UBR4: variants seen among roughly 807,000 people sequenced by gnomAD.
UBR4 encodes the protein E3 ubiquitin-protein ligase UBR4.
A neutral mutation model predicts 575.6 loss-of-function variants in UBR4; 124 were observed. The ratio of observed to expected loss-of-function variants is 0.22; its 90% CI spans 0.19 to 0.25. The LOEUF is 0.25. UBR4 is among the 10% of genes least tolerant of loss of function. The pLI is 1.00. For missense variants in UBR4, 4,818 were observed against 6,478.8 expected, an observed-to-expected ratio of 0.74 and a Z score of 8.80; for synonymous variants, 2,455 against 2,473.7, an observed-to-expected ratio of 0.99 and a Z score of 0.22.
intron 99 of UBR4, among the ~76,000 whole-genome samples, 165 bp from the exon 100 acceptor site, chr1:19,086,986 T>C (rs993051025): frequency 5.9e-5 from 9 of 152,214 alleles, no homozygotes. Flanking sequence ...CCTCAGTCTG[T>C]TGGTGAAGCA....
At position 19,110,020 on chromosome 1, in the gene UBR4, G is replaced by C. The variant is rs1231423050; in HGVS notation, c.12105+76C>G. The C allele has an allele frequency of 1.9e-6, 3 of 1,599,080 alleles. No homozygotes were observed. The highest frequency in any genetic ancestry group is 1.3e-5 in the African/African-American group (1 of 74,652). ...CAAGGCAAAGCGGAGACCATGAGGA[G>C]GCAGGGCACACTGCCAGGGAATGAG... On this transcript the variant is annotated intron_variant, in intron 81 of 105. Transcript: ENST00000375254. This position sits in a 1 kb window ranked among gnomAD's most constrained non-coding sequence, Gnocchi z 4.5.
chr1:19,129,436 T>C (rs966499546), intron 60 of UBR4, among the ~76,000 whole-genome samples: 1 of 152,228 alleles, frequency 6.6e-6, no homozygotes, highest in Non-Finnish European at 1.5e-5. Flanking sequence ...TTTTCTAATA[T>C]GTGGCCCTAT....
At chr1:19,134,292 G>C (rs2082933613) in intron 60 of UBR4, among the ~76,000 whole-genome samples, 1 of 151,590 alleles carries the variant, frequency 6.6e-6, no homozygotes, top group Non-Finnish European at 1.5e-5. Context: ...AAAAATAGCT[G>C]GGCATGGTGG....
chr1:19,124,720 G>A (rs1242194726), intron 64 of UBR4, 30 bp from the exon 65 acceptor site: 2 of 1,599,826 alleles, frequency 1.3e-6, no homozygotes, highest in Admixed American at 1.7e-5. Context: ...ATGAGAACCT[G>A]TGACTATCGA....
At chr1:19,086,393 C>T in intron 100 of UBR4, 123 bp from the exon 101 acceptor site, 2 of 1,322,762 alleles carry the variant, frequency 1.5e-6, no homozygotes, top group Non-Finnish European at 1.0e-6. Context: ...TCGGCCCAGG[C>T]TCCTGACCCT....
At chr1:19,192,448 G>A in intron 10 of UBR4, 33 bp downstream of exon 10, 1 of 1,614,130 alleles carries the variant, frequency 6.2e-7, no homozygotes, top group Non-Finnish European at 8.5e-7. Context: ...GACAAGATAG[G>A]AAGTATGCAG....
rs778448859 is a variant in UBR4, at chr1:19,153,454, G to A, written c.6679C>T (p.Arg2227Trp). The A allele has an allele frequency of 4.3e-6, 7 of 1,614,028 alleles. No individual in the cohort carries two copies. In the South Asian group the frequency reaches 4.4e-5, roughly 10 times the overall value. ...TCACACAGCAGAATCATTGTTGTCC[G>A]CTGCTGCTCATTGCAGGCCGTGTGC... ...IRHTACNEQQ[R>W]TTMILLCEDG... The change falls in exon 46 of 106, where the codon CGG becomes TGG. Residue 2227 changes from arginine to tryptophan, a missense_variant. Physicochemically the swap from Arg to Trp is moderately radical, Grantham distance 101 (BLOSUM62 -3). Coordinates refer to ENST00000375254, the MANE Select transcript of UBR4 (RefSeq NM_020765.3). The surrounding 1 kb of genome is among the most constrained non-coding windows in gnomAD (Gnocchi z 4.1).
At chr1:19,186,945 T>C (rs1172092262) in intron 13 of UBR4, among the ~76,000 whole-genome samples, 2 of 151,884 alleles carry the variant, frequency 1.3e-5, no homozygotes, top group Non-Finnish European at 1.5e-5. Context: ...AAACTGATAA[T>C]TAATAACTGA....
rs575464743 is a variant in UBR4, at chr1:19,177,464, C to T, written c.2634G>A (p.Glu878=). Residue 878 remains glutamate, a synonymous_variant, in exon 19 of 106, where the codon GAG becomes GAA. Coordinates refer to ENST00000375254, the MANE Select transcript of UBR4 (RefSeq NM_020765.3). ...QYSKAPVYLF[E]QVQHNLLSPP... Reference sequence around the variant, plus strand: ...AAAAGAACGTGTTGGTCTGTACCTGCTCAAATAGATACACAGGGGCTTTGG... The same window carrying T: ...AAAAGAACGTGTTGGTCTGTACCTGTTCAAATAGATACACAGGGGCTTTGG... 38 of 1,613,718 alleles carry T rather than the reference C, an allele frequency of 2.4e-5. No homozygotes were observed. Among genetic ancestry groups the T allele is most frequent in the Non-Finnish European group, 3.1e-5 (36 of 1,179,802 alleles).
intron 17 of UBR4, among the ~76,000 whole-genome samples, chr1:19,183,429 T>A (rs1031803454): frequency 6.6e-6 from 1 of 152,160 alleles, no homozygotes; most frequent in South Asian, 2.1e-4. Flanking sequence ...TCCTTAACAA[T>A]TGGAGCTACA....
At chr1:19,183,502 A>T (rs2091220910) in intron 17 of UBR4, among the ~76,000 whole-genome samples, 1 of 152,174 alleles carries the variant, frequency 6.6e-6, no homozygotes, top group African/African-American at 2.4e-5. Flanking sequence ...CGGGCGGATC[A>T]CCTGAGGTCA....
chr1:19,200,436 G>A (rs1183228801), intron 2 of UBR4, among the ~76,000 whole-genome samples: 2 of 151,880 alleles, frequency 1.3e-5, no homozygotes, highest in Non-Finnish European at 2.9e-5. Context: ...CTAAAATGAC[G>A]TCCTGGTCAG....
At chr1:19,104,763 G>T in intron 85 of UBR4, 97 bp from the exon 86 acceptor site, 1 of 1,312,062 alleles carries the variant, frequency 7.6e-7, no homozygotes, top group Non-Finnish European at 1.1e-6. Context: ...CAGACACTCT[G>T]TAGTTACATC....
intron 71 of UBR4, 199 bp downstream of exon 71, chr1:19,118,673 C>G (rs2080856927): frequency 3.3e-6 from 2 of 605,716 alleles, no homozygotes; most frequent in Non-Finnish European, 5.9e-6. Context: ...TCACCAAACC[C>G]TGAACTCAGC....
chr1:19,094,887 G>A lies in UBR4; in HGVS notation c.13746+19C>T. 6.2e-7 allele frequency: 1 copy of A among 1,611,920 alleles called. No individual in the cohort carries two copies. The highest frequency in any genetic ancestry group is 8.5e-7 in the Non-Finnish European group (1 of 1,179,698). ...CAGGCTCTCAGTGCCTGCAGATGGAGGGGCCGAGCCCCACTCACCTTGTCC... is the reference window on the plus strand; with the variant it reads ...CAGGCTCTCAGTGCCTGCAGATGGAAGGGCCGAGCCCCACTCACCTTGTCC... On this transcript the variant is annotated intron_variant, in intron 94 of 105. Coordinates refer to ENST00000375254, the MANE Select transcript of UBR4 (RefSeq NM_020765.3).
In UBR4 at chr1:19,162,441, T is replaced by G. The variant is rs2087538767; in HGVS notation, c.4935A>C (p.Glu1645Asp). 1 of 1,613,710 alleles carries G rather than the reference T, an allele frequency of 6.2e-7. No homozygotes were observed. Among genetic ancestry groups the G allele is most frequent in the Non-Finnish European group, 8.5e-7 (1 of 1,179,876 alleles). ...TTACTGAATCCTCAGCCTGGGAATCTTCCTCTTCCACCGCCAACTCCTCCA... is the reference window on the plus strand; with the variant it reads ...TTACTGAATCCTCAGCCTGGGAATCGTCCTCTTCCACCGCCAACTCCTCCA... ...DWVEELAVEE[E>D]DSQAEDSDED... The change falls in exon 35 of 106, where the codon GAA becomes GAC. Residue 1645 changes from glutamate (E) to aspartate (D), a missense_variant. By Grantham distance (45) the Glu-to-Asp change is conservative. Transcript: ENST00000375254.
Position 19,167,195 on chromosome 1 carries a change from C to T in UBR4, c.3936G>A (p.Arg1312=). ...ATTCCAAAAGAAGAGGTAGCAGTGT[C>T]CGAATTACCTGTGGTGGGTTCATCT... is the stretch of plus-strand genomic sequence containing the variant. ...SDEMNPPQVI[R]TLLPLLLESS... The change falls in exon 29 of 106, where the codon CGG becomes CGA. Residue 1312 remains arginine (R), a synonymous_variant. Transcript: ENST00000375254. The T allele has an allele frequency of 6.2e-7, 1 of 1,614,198 alleles. No homozygotes were observed. Among genetic ancestry groups the T allele is most frequent in the Non-Finnish European group, 8.5e-7 (1 of 1,180,036 alleles).
At chr1:19,131,259 A>G (rs568748848) in intron 60 of UBR4, among the ~76,000 whole-genome samples, 1 of 145,936 alleles carries the variant, frequency 6.9e-6, no homozygotes, top group Non-Finnish European at 1.5e-5. Flanking sequence ...AAAAAAAAAA[A>G]AAAAAAAAAA....
rs754425837 is a variant in UBR4, at chr1:19,088,874, C to T, written c.14315G>A (p.Arg4772Gln). 11 of 1,614,070 alleles carry T rather than the reference C, an allele frequency of 6.8e-6. No individual in the cohort carries two copies. Among genetic ancestry groups the T allele is most frequent in the Admixed American group, 3.3e-5 (2 of 60,002 alleles). Residue 4772 changes from arginine to glutamine, a missense_variant, in exon 98 of 106, where the codon CGG (arginine) becomes CAG (glutamine). Around this residue, in one of 29 missense-constraint regions of UBR4, gnomAD observed 196 missense variants for 386.8 expected, o/e 0.51. Coordinates refer to ENST00000375254, the MANE Select transcript of UBR4 (RefSeq NM_020765.3). This position sits in a 1 kb window ranked among gnomAD's most constrained non-coding sequence, Gnocchi z 4.0. ...TLAENLLEAL[R>Q]EHPDVNKKID... is the part of the protein sequence containing the mutation. ...CTTCTTGTTTACGTCAGGGTGTTCC[C>T]GCAGGGCTTCCAGCAGGTTCTCTGC...
Sources: allele counts gnomAD v4.1 joint callset (sites outside exome capture counted in the v4.1 genomes callset), GRCh38; gene constraint gnomAD v4.1.1; regional missense constraint gnomAD v4.1.1; non-coding constraint Gnocchi (gnomAD v3.1); transcripts MANE v1.5; gene names NCBI Gene and HGNC (gene_info 2026-07-23, HGNC 2026-07-21).